CEP63: variants seen among roughly 807,000 people sequenced by gnomAD.
CEP63 encodes the protein centrosomal protein of 63 kDa.
CEP63 carries 84 observed loss-of-function variants against 89.1 expected under a neutral mutation model. The ratio of observed to expected loss-of-function variants is 0.94; its 90% confidence interval spans 0.79 to 1.13. The LOEUF (loss-of-function observed/expected upper bound fraction) is 1.13. CEP63 is among the 50% of genes most tolerant of loss of function. The probability of loss-of-function intolerance (pLI) is 0.00; values close to 1 mark genes in which losing one functional copy is unlikely to be tolerated. For missense variants in CEP63, 838 were observed against 813.3 expected (o/e 1.03, Z -0.37); for synonymous variants, 267 against 272.5 (o/e 0.98, Z 0.20).
chr3:134,633,176 C>T, the CEP63 span, among the ~76,000 whole-genome samples: 8 of 152,140 alleles, frequency 5.3e-5, no homozygotes, highest in African/African-American at 1.7e-4. Context: ...TTCTAACAAA[C>T]ATTTAAAGTA....
the CEP63 span, among the ~76,000 whole-genome samples, chr3:134,665,398 C>A: frequency 6.6e-6 from 1 of 152,186 alleles, no homozygotes; most frequent in African/African-American, 2.4e-5. Context: ...GGGAGCCTGG[C>A]CTGTTTCAAG....
At chr3:134,572,459 G>C (rs745900571) in intron 11 of CEP63, among the ~76,000 whole-genome samples, 1 of 151,882 alleles carries the variant, frequency 6.6e-6, no homozygotes, top group Non-Finnish European at 1.5e-5. Flanking sequence ...CTTTATGTCC[G>C]TTACTACCCA....
At chr3:134,719,374 T>C in the CEP63 span, among the ~76,000 whole-genome samples, 1 of 152,166 alleles carries the variant, frequency 6.6e-6, no homozygotes, top group African/African-American at 2.4e-5. Flanking sequence ...AATCCCCAGG[T>C]GATCTGTGTG....
At chr3:134,744,616 G>C in the CEP63 span, among the ~76,000 whole-genome samples, 1 of 152,182 alleles carries the variant, frequency 6.6e-6, no homozygotes, top group African/African-American at 2.4e-5. Flanking sequence ...CTGGACTCAT[G>C]TAATCCCCCT....
the CEP63 span, among the ~76,000 whole-genome samples, chr3:134,597,330 G>A: frequency 1.3e-5 from 2 of 152,192 alleles, no homozygotes; most frequent in African/African-American, 4.8e-5. Flanking sequence ...CCTATGTAGA[G>A]GCCGCTGTCC....
the CEP63 span, among the ~76,000 whole-genome samples, chr3:134,656,668 T>C: frequency 1.3e-5 from 2 of 152,052 alleles, no homozygotes; most frequent in Admixed American, 1.3e-4. Flanking sequence ...TTTGGGGTAG[T>C]GTGGGGCAGA....
At chr3:134,584,821 G>A (rs576877941) in intron 10 of CEP63, among the ~76,000 whole-genome samples, 1 of 152,044 alleles carries the variant, frequency 6.6e-6, no homozygotes, top group Non-Finnish European at 1.5e-5. Flanking sequence ...ACTTTTTTTG[G>A]TTGGTAGGCT....
chr3:134,547,361 AG>A lies in CEP63; in HGVS notation c.957del (p.Lys320SerfsTer10). The A allele has an allele frequency of 6.2e-7, 1 of 1,613,704 alleles. No homozygotes were observed. The highest frequency in any genetic ancestry group is 8.5e-7 in the Non-Finnish European group (1 of 1,179,688). On this transcript the variant is annotated frameshift_variant, in exon 9 of 15. Coordinates refer to ENST00000675561, the MANE Select transcript of CEP63 (RefSeq NM_001353108.3). LOFTEE classifies it high-confidence loss of function. ...IRPREESLAE[K>X]KYTSQGQGDL... ...CCACGGGAAGAATCTCTGGCAGAAA[AG>A]AAGTACACCTCTCAAGGGCAGGGGG... is the stretch of plus-strand genomic sequence containing the variant.
chr3:134,638,339 G>A, the CEP63 span, among the ~76,000 whole-genome samples: 1 of 152,220 alleles, frequency 6.6e-6, no homozygotes, highest in Middle Eastern at 3.2e-3. Context: ...CTAACAGAGA[G>A]TAGATCATTT....
At chr3:134,656,621 C>T in the CEP63 span, among the ~76,000 whole-genome samples, 1 of 152,316 alleles carries the variant, frequency 6.6e-6, no homozygotes, top group East Asian at 1.9e-4. Context: ...GACAGTCAAG[C>T]ACCACATACA....
At chr3:134,728,504 A>G in the CEP63 span, among the ~76,000 whole-genome samples, 2 of 152,212 alleles carry the variant, frequency 1.3e-5, no homozygotes, top group African/African-American at 4.8e-5. Context: ...TAATTTTCAG[A>G]TAATTAATTT....
At chr3:134,487,886 T>C (rs9854299) in intron 1 of CEP63, 100,843 of 152,172 alleles carry the variant, frequency 0.66, 33,784 homozygotes, top group East Asian at 0.81. Flanking sequence ...CATCTTTTAA[T>C]CTATATTTGT....
the CEP63 span, among the ~76,000 whole-genome samples, chr3:134,606,548 C>T: frequency 2.6e-5 from 4 of 152,172 alleles, no homozygotes; most frequent in African/African-American, 9.7e-5. Context: ...TCTCTCCTAG[C>T]CCTGGCTGTC....
chr3:134,561,615 A>G lies in CEP63; in HGVS notation c.*80A>G. On this transcript the variant is annotated 3_prime_UTR_variant, in exon 15 of 15. Transcript: ENST00000675561. The stretch of plus-strand genomic sequence containing the variant: ...TCATCTGAAGTAGCAGCTCTTTAAA[A>G]ACATGAAGAGATAAAATTATAAAAA... The G allele has an allele frequency of 1.9e-6, 3 of 1,543,368 alleles. No homozygotes were observed. Among genetic ancestry groups the G allele is most frequent in the Non-Finnish European group, 2.6e-6 (3 of 1,144,708 alleles).
chr3:134,667,190 C>A, the CEP63 span, among the ~76,000 whole-genome samples: 2 of 152,194 alleles, frequency 1.3e-5, no homozygotes, highest in Non-Finnish European at 2.9e-5. Context: ...CAGTCATCTT[C>A]CAGCTCACTT....
At chr3:134,651,605 T>C in the CEP63 span, 5 of 988,092 alleles carry the variant, frequency 5.1e-6, no homozygotes, top group African/African-American at 8.7e-5. Context: ...GGGTGGGGTG[T>C]TGGAGTCAGG....
At chr3:134,749,786 C>G in the CEP63 span, among the ~76,000 whole-genome samples, 1 of 136,580 alleles carries the variant, frequency 7.3e-6, no homozygotes, top group Non-Finnish European at 1.6e-5. Context: ...AATGAGAGAC[C>G]AGCAGAGAAT....
the CEP63 span, among the ~76,000 whole-genome samples, chr3:134,751,785 C>T: frequency 6.6e-6 from 1 of 152,144 alleles, no homozygotes. Flanking sequence ...TTAACATTTT[C>T]CCAGGCACTG....
the CEP63 span, among the ~76,000 whole-genome samples, chr3:134,640,630 T>C: frequency 1.3e-5 from 2 of 152,120 alleles, no homozygotes; most frequent in Non-Finnish European, 2.9e-5. Flanking sequence ...AAGTGGCACA[T>C]GGAGTAACGA....
Sources: allele counts gnomAD v4.1 joint callset (sites outside exome capture counted in the v4.1 genomes callset), GRCh38; gene constraint gnomAD v4.1.1; transcripts MANE v1.5; gene names NCBI Gene and HGNC (gene_info 2026-07-23, HGNC 2026-07-21).